Variants in DNAJC24 observed in about 807,000 individuals in gnomAD.
DNAJC24 encodes the protein dnaJ homolog subfamily C member 24.
In DNAJC24, 17 loss-of-function variants were observed where a neutral mutation model predicts 18.0. The observed-to-expected ratio is 0.94, with a 90% CI of 0.65 to 1.42. The LOEUF is 1.42. Among genes scored for constraint, DNAJC24 ranks in the 40% most tolerant of loss-of-function variants. DNAJC24 has a pLI of 0.00. For missense variants in DNAJC24, 158 were observed against 175.6 expected (o/e 0.90, Z 0.57); for synonymous variants, 55 against 57.7 (o/e 0.95, Z 0.21).
At chr11:31,389,584 T>G (rs1952467551) in intron 2 of DNAJC24, among the ~76,000 whole-genome samples, 1 of 152,192 alleles carries the variant, frequency 6.6e-6, no homozygotes, top group Admixed American at 6.5e-5. Context: ...CATCCCACTT[T>G]CATCATTGGA....
chr11:31,408,170 G>A, intron 2 of DNAJC24: 1 of 456,192 alleles, frequency 2.2e-6, no homozygotes, highest in Non-Finnish European at 4.4e-6. Context: ...ATCTGTCACA[G>A]GAAAATTTTT....
chr11:31,413,219 G>C (rs1204232570), intron 2 of DNAJC24, among the ~76,000 whole-genome samples: 1 of 149,572 alleles, frequency 6.7e-6, no homozygotes, highest in East Asian at 2.0e-4. Context: ...TTGGAAAAAA[G>C]AGTAAGAAAT....
chr11:31,372,903 A>G (rs1952279840), intron 2 of DNAJC24, among the ~76,000 whole-genome samples: 1 of 134,664 alleles, frequency 7.4e-6, no homozygotes, highest in African/African-American at 2.5e-5. Flanking sequence ...CTGCATGTCA[A>G]AATTGCCACA....
chr11:31,385,178 T>A (rs1343722919), intron 2 of DNAJC24: 1 of 152,146 alleles, frequency 6.6e-6, no homozygotes, highest in Admixed American at 6.6e-5. Context: ...AAAAGGAACT[T>A]CAGGTGGTGA....
intron 4 of DNAJC24, chr11:31,427,798 A>T (rs1952877481): frequency 6.6e-6 from 1 of 151,630 alleles, no homozygotes; most frequent in Admixed American, 6.6e-5. Context: ...TACCTTTTAA[A>T]TATATAACAA....
At chr11:31,430,235 C>G in intron 4 of DNAJC24, 36 bp from the exon 5 acceptor site, 5 of 1,581,774 alleles carry the variant, frequency 3.2e-6, no homozygotes, top group Non-Finnish European at 2.6e-6. Context: ...TAGTTACTTA[C>G]AAGTCTTTGA....
At chr11:31,382,060 G>A (rs1010908924) in intron 2 of DNAJC24, among the ~76,000 whole-genome samples, 1 of 152,132 alleles carries the variant, frequency 6.6e-6, no homozygotes, top group Non-Finnish European at 1.5e-5. Context: ...ATTTGTTAGG[G>A]TTAGTATATA....
At chr11:31,393,802 G>A (rs944410564) in intron 2 of DNAJC24, among the ~76,000 whole-genome samples, 12 of 152,026 alleles carry the variant, frequency 7.9e-5, no homozygotes, top group Non-Finnish European at 1.3e-4. Context: ...TAAATTAATT[G>A]TAATATATAT....
At chr11:31,377,980 G>A (rs1431335818) in intron 2 of DNAJC24, among the ~76,000 whole-genome samples, 1 of 152,028 alleles carries the variant, frequency 6.6e-6, no homozygotes, top group Non-Finnish European at 1.5e-5. Flanking sequence ...GATTAGAAAT[G>A]GTTATATATA....
At chr11:31,405,094 CAG>C (rs1451508157) in intron 2 of DNAJC24, among the ~76,000 whole-genome samples, 10 of 136,082 alleles carry the variant, frequency 7.3e-5, no homozygotes, top group Non-Finnish European at 9.4e-5. Flanking sequence ...TTTTTTGAGA[CAG>C]AGTCTCCACT....
chr11:31,402,506 A>G (rs1443909692), intron 2 of DNAJC24, among the ~76,000 whole-genome samples: 1 of 152,154 alleles, frequency 6.6e-6, no homozygotes, highest in African/African-American at 2.4e-5. Flanking sequence ...TTACTTTACA[A>G]AGTTTTTTAA....
At chr11:31,407,330 G>A (rs1197116862) in intron 2 of DNAJC24, 1 of 152,132 alleles carries the variant, frequency 6.6e-6, no homozygotes, top group South Asian at 2.1e-4. Context: ...ATTAATATAT[G>A]TAGCCACTTT....
chr11:31,418,095 A>C (rs1952767664), intron 3 of DNAJC24, among the ~76,000 whole-genome samples: 1 of 152,128 alleles, frequency 6.6e-6, no homozygotes, highest in African/African-American at 2.4e-5. Flanking sequence ...GAGATTATAC[A>C]TTTCGAAAGC....
chr11:31,370,635 A>C, intron 1 of DNAJC24, 81 bp from the exon 2 acceptor site: 1 of 578,648 alleles, frequency 1.7e-6, no homozygotes, highest in Non-Finnish European at 3.0e-6. Flanking sequence ...CTAAATACTA[A>C]AGAATTTACA....
rs761172592 is a variant in DNAJC24, at chr11:31,370,879, T to C, written c.111+20T>C. On this transcript the variant is annotated intron_variant, in intron 2 of 4. Transcript: ENST00000465995. ...TTAATGGTAAGTCTTTTCTTTCAGA[T>C]TTTAAATCATGAGGGGAAAAAAATC... 55 of 1,498,224 alleles carry C rather than the reference T, an allele frequency of 3.7e-5. No individual in the cohort carries two copies. The highest frequency in any genetic ancestry group is 1.3e-4 in the South Asian group (11 of 82,176). 92.8% of individuals were successfully genotyped at this position (1,498,224 alleles called of 1,614,324 possible).
In DNAJC24 at chr11:31,408,719, G is replaced by C. The variant is rs137920832; in HGVS notation, c.112-6092G>C. Among the ~76,000 whole-genome samples, 56 of 152,140 alleles carry C rather than the reference G, an allele frequency of 3.7e-4. No homozygotes were observed. The East Asian group carries it at 9.8e-3, about 27-fold the overall frequency. On this transcript the variant is annotated intron_variant, in intron 2 of 4. Coordinates refer to ENST00000465995, the MANE Select transcript of DNAJC24 (RefSeq NM_181706.5). ...CAAGAAAGTTTCTTAATCTATTTTT[G>C]TGTTAGTTTTTCTTATTCTCAATGA...
At chr11:31,376,273 C>T (rs868264113) in intron 2 of DNAJC24, among the ~76,000 whole-genome samples, 4 of 152,200 alleles carry the variant, frequency 2.6e-5, no homozygotes, top group Middle Eastern at 3.2e-3. Flanking sequence ...ATAAATTGCT[C>T]AGTCCCGGGT....
intron 2 of DNAJC24, chr11:31,396,395 G>A: frequency 2.4e-6 from 1 of 410,900 alleles, no homozygotes; most frequent in South Asian, 1.8e-5. Flanking sequence ...GACTTTGGAG[G>A]TCGGTTAGCC....
chr11:31,408,226 G>C (rs1952674612), intron 2 of DNAJC24: 1 of 455,896 alleles, frequency 2.2e-6, no homozygotes, highest in Admixed American at 2.4e-5. Flanking sequence ...CTTGTTTTAA[G>C]CAGTCAAGGC....
Sources: gnomAD v4.1 joint callset for allele counts (sites outside exome capture counted in the v4.1 genomes callset) on GRCh38, gnomAD v4.1.1 for gene constraint, MANE v1.5 for transcripts, NCBI Gene and HGNC (gene_info 2026-07-23, HGNC 2026-07-21) for gene names.